The following ATP6V0D2 variants were observed in gnomAD, a reference collection of about 807,000 sequenced individuals.
ATP6V0D2 encodes the protein V-type proton ATPase subunit d 2.
ATP6V0D2 carries 40 observed loss-of-function variants against 40.0 expected under a neutral mutation model. The observed-to-expected ratio is 1.00, with a 90% confidence interval of 0.78 to 1.30. The LOEUF (loss-of-function observed/expected upper bound fraction) is 1.30, where lower values mean the gene tolerates loss of function less well. ATP6V0D2 is among the 50% of genes most tolerant of loss of function. The pLI is 0.00. For missense variants in ATP6V0D2, 470 were observed against 423.1 expected (o/e 1.11, Z -0.97); for synonymous variants, 179 against 156.3 (o/e 1.15, Z -1.08).
Position 86,152,938 on chromosome 8 carries a change from G to A in ATP6V0D2, c.1014G>A (p.Arg338=). Residue 338 remains arginine (R), a synonymous_variant, in exon 8 of 8, where the codon AGG becomes AGA. Transcript: ENST00000285393. ...IVWIAECISQ[R]HRTKINSYIP... ...GGATAGCAGAATGTATTTCACAGAG[G>A]CATCGAACTAAAATCAACAGTTACA... 5 of 1,608,298 alleles carry A rather than the reference G, an allele frequency of 3.1e-6. No homozygotes were observed. Among genetic ancestry groups the A allele is most frequent in the Non-Finnish European group, 4.2e-6 (5 of 1,177,928 alleles).
At chr8:86,118,531 G>A (rs948008168) in intron 2 of ATP6V0D2, among the ~76,000 whole-genome samples, 2 of 152,082 alleles carry the variant, frequency 1.3e-5, no homozygotes, top group East Asian at 1.9e-4. Flanking sequence ...TCCTCCCAGT[G>A]ATGGTTGGGA....
chr8:86,119,298 G>T (rs11780198), intron 2 of ATP6V0D2, among the ~76,000 whole-genome samples: 20,079 of 143,140 alleles, frequency 0.14, 1,430 homozygotes, highest in Non-Finnish European at 0.15. Flanking sequence ...GCGCAATCTC[G>T]GCTTACTGCA....
At chr8:86,113,140 T>C (rs1818546445) in intron 1 of ATP6V0D2, among the ~76,000 whole-genome samples, 1 of 151,856 alleles carries the variant, frequency 6.6e-6, no homozygotes, top group African/African-American at 2.4e-5. Flanking sequence ...AGGTTTTTTT[T>C]TTTTTCAGAT....
intron 1 of ATP6V0D2, among the ~76,000 whole-genome samples, chr8:86,102,883 G>T (rs1402978173): frequency 1.3e-5 from 2 of 152,060 alleles, no homozygotes; most frequent in Non-Finnish European, 2.9e-5. Context: ...GTCTTTAAAA[G>T]TGACTTTGAA....
intron 5 of ATP6V0D2, among the ~76,000 whole-genome samples, chr8:86,144,530 A>G (rs879328416): frequency 4.6e-5 from 7 of 152,252 alleles, no homozygotes; most frequent in African/African-American, 7.2e-5. Context: ...CTGAAACTGC[A>G]TATGATAAAA....
chr8:86,116,758 G>A (rs1168827087), intron 2 of ATP6V0D2, among the ~76,000 whole-genome samples: 1 of 152,124 alleles, frequency 6.6e-6, no homozygotes, highest in Non-Finnish European at 1.5e-5. Context: ...TGGAAGTAGT[G>A]AGTCAAAGGA....
intron 5 of ATP6V0D2, among the ~76,000 whole-genome samples, chr8:86,143,820 T>C (rs777644031): frequency 6.6e-6 from 1 of 152,140 alleles, no homozygotes; most frequent in African/African-American, 2.4e-5. Context: ...CAAATGCCTC[T>C]GACACTATGA....
chr8:86,123,422 G>T (rs74997309), intron 2 of ATP6V0D2, among the ~76,000 whole-genome samples: 2,378 of 152,148 alleles, frequency 0.016, 60 homozygotes, highest in African/African-American at 0.054. Context: ...GGAGCTGATC[G>T]GATGTATATC....
chr8:86,125,525 C>G (rs1228408120), intron 2 of ATP6V0D2, among the ~76,000 whole-genome samples: 1 of 152,106 alleles, frequency 6.6e-6, no homozygotes, highest in African/African-American at 2.4e-5. Context: ...CAAGTTAGTA[C>G]CTTTATAATC....
intron 2 of ATP6V0D2, among the ~76,000 whole-genome samples, chr8:86,118,363 C>T (rs1464599506): frequency 1.3e-5 from 2 of 151,774 alleles, no homozygotes; most frequent in Non-Finnish European, 2.9e-5. Context: ...CGTGAGCCAC[C>T]GCGCCTGTCC....
chr8:86,099,032 C>T lies in ATP6V0D2; in HGVS notation c.54C>T (p.Gly18=). The T allele has an allele frequency of 6.2e-7, 1 of 1,613,970 alleles. No homozygotes were observed. The highest frequency in any genetic ancestry group is 8.5e-7 in the Non-Finnish European group (1 of 1,179,982). ...YFNVDHGYLE[G]LVRGCKASLL... is the part of the protein sequence containing the mutation. ...ACGTGGACCATGGCTACCTGGAGGG[C>T]CTGGTTCGAGGATGCAAGGCCAGCC... The change falls in exon 1 of 8, where the codon GGC becomes GGT. Residue 18 remains glycine (G), a synonymous_variant. Transcript: ENST00000285393.
intron 1 of ATP6V0D2, among the ~76,000 whole-genome samples, 166 bp downstream of exon 1, chr8:86,099,274 G>GA (rs1040731364): frequency 4.7e-5 from 7 of 150,400 alleles, no homozygotes; most frequent in African/African-American, 1.2e-4. Context: ...CTTGAATGAG[G>GA]AAAAAAAAAT....
At chr8:86,140,758 G>A (rs749235541) in intron 3 of ATP6V0D2, among the ~76,000 whole-genome samples, 19 of 152,140 alleles carry the variant, frequency 1.2e-4, no homozygotes, top group African/African-American at 3.1e-4. Context: ...GACTGGTTTC[G>A]TGGAAGACAA....
intron 2 of ATP6V0D2, among the ~76,000 whole-genome samples, chr8:86,116,125 C>T (rs1459301150): frequency 2.0e-5 from 3 of 152,230 alleles, no homozygotes; most frequent in Non-Finnish European, 4.4e-5. Flanking sequence ...TTCAAGAGTT[C>T]AGAAAAGCAT....
chr8:86,131,592 C>A (rs1328511808), intron 2 of ATP6V0D2, among the ~76,000 whole-genome samples: 1 of 151,974 alleles, frequency 6.6e-6, no homozygotes, highest in Non-Finnish European at 1.5e-5. Context: ...CTTCTGCCTC[C>A]CGGGTTCAAG....
At chr8:86,099,332 T>A (rs1818361967) in intron 1 of ATP6V0D2, among the ~76,000 whole-genome samples, 1 of 152,176 alleles carries the variant, frequency 6.6e-6, no homozygotes, top group Non-Finnish European at 1.5e-5. Flanking sequence ...CTTTCATTAC[T>A]AATGTAGGCA....
At chr8:86,123,078 G>T (rs766537784) in intron 2 of ATP6V0D2, among the ~76,000 whole-genome samples, 1 of 152,190 alleles carries the variant, frequency 6.6e-6, no homozygotes, top group African/African-American at 2.4e-5. Context: ...GGGTGGCCAT[G>T]TGATAGAGTG....
intron 5 of ATP6V0D2, among the ~76,000 whole-genome samples, chr8:86,144,952 C>A (rs576719307): frequency 1.3e-5 from 2 of 149,406 alleles, no homozygotes; most frequent in Non-Finnish European, 1.5e-5. Context: ...GTTGGGAGTT[C>A]GAGACCAGCC....
In ATP6V0D2 at chr8:86,142,926, C is replaced by T; in HGVS notation, c.611C>T (p.Thr204Ile). The T allele has an allele frequency of 6.2e-7, 1 of 1,610,656 alleles. No homozygotes were observed. The highest frequency in any genetic ancestry group is 8.5e-7 in the Non-Finnish European group (1 of 1,178,020). ...YKFCKNHGDVTAEVMCPILEF... is the reference protein window; with the variant it reads ...YKFCKNHGDVIAEVMCPILEF... The stretch of plus-strand genomic sequence containing the variant: ...TTCTGTAAGAATCATGGTGATGTCA[C>T]AGCAGAAGTTATGTGTCCCATTCTT... The change falls in exon 5 of 8, where the codon ACA (threonine) becomes ATA (isoleucine). Residue 204 changes from threonine (T) to isoleucine (I), a missense_variant. Physicochemically the swap from Thr to Ile is moderately conservative, Grantham distance 89. Coordinates refer to ENST00000285393, the MANE Select transcript of ATP6V0D2 (RefSeq NM_152565.1).
Sources: allele counts gnomAD v4.1 joint callset (sites outside exome capture counted in the v4.1 genomes callset), GRCh38; gene constraint gnomAD v4.1.1; transcripts MANE v1.5; gene names NCBI Gene and HGNC (gene_info 2026-07-23, HGNC 2026-07-21).